Variants in ROBO2 observed in about 807,000 individuals in gnomAD.
ROBO2 encodes roundabout homolog 2.
A neutral mutation model predicts 160.8 loss-of-function variants in ROBO2; 53 were observed. The ratio of observed to expected loss-of-function variants is 0.33; its 90% CI spans 0.26 to 0.41. The LOEUF is 0.41. Among genes scored for constraint, ROBO2 ranks in the 10% least tolerant of loss-of-function variants. The pLI, the probability that ROBO2 is intolerant of heterozygous loss-of-function variation, is 1.00. For synonymous variants in ROBO2, 664 were observed against 611.7 expected (o/e 1.09, Z -1.26); for missense variants, 1,577 against 1,722.4 (o/e 0.92, Z 1.49).
At chr3:77,087,191 C>G (rs1267756956) in intron 1 of ROBO2, among the ~76,000 whole-genome samples, 1 of 152,082 alleles carries the variant, frequency 6.6e-6, no homozygotes, top group Non-Finnish European at 1.5e-5. Context: ...GTAAAATCCC[C>G]TTTTCTGGAG....
intron 2 of ROBO2, among the ~76,000 whole-genome samples, chr3:76,278,632 G>A (rs923169469): frequency 6.6e-6 from 1 of 151,926 alleles, no homozygotes; most frequent in African/African-American, 2.4e-5. Flanking sequence ...ATTTCCCCAA[G>A]TAAAAGTTAG....
At chr3:76,094,371 A>C (rs554682056) in intron 2 of ROBO2, among the ~76,000 whole-genome samples, 1 of 152,320 alleles carries the variant, frequency 6.6e-6, no homozygotes, top group African/African-American at 2.4e-5. Context: ...TCTTCCCAAC[A>C]ACACAGTGCC....
intron 2 of ROBO2, among the ~76,000 whole-genome samples, chr3:76,742,077 A>T (rs910714283): frequency 3.3e-5 from 5 of 152,122 alleles, no homozygotes; most frequent in Non-Finnish European, 7.4e-5. Flanking sequence ...ATTTCATTAT[A>T]TACGAAGATT....
intron 2 of ROBO2, among the ~76,000 whole-genome samples, chr3:76,201,485 A>G (rs975473381): frequency 1.3e-5 from 2 of 152,208 alleles, no homozygotes; most frequent in Non-Finnish European, 2.9e-5. Context: ...ATCCCTGAAC[A>G]AAAGCAAAGT....
chr3:76,293,405 G>C (rs1433215138), intron 2 of ROBO2, among the ~76,000 whole-genome samples: 1 of 152,228 alleles, frequency 6.6e-6, no homozygotes, highest in African/African-American at 2.4e-5. Flanking sequence ...AAAGGGGCCA[G>C]ACTGAACCGG....
At chr3:77,184,105 T>G (rs2150877139) in intron 2 of ROBO2, among the ~76,000 whole-genome samples, 1 of 152,208 alleles carries the variant, frequency 6.6e-6, no homozygotes, top group Admixed American at 6.6e-5. Flanking sequence ...AAGATGGTTT[T>G]AATGAATGAA....
At chr3:76,059,523 G>T (rs923730877) in intron 2 of ROBO2, among the ~76,000 whole-genome samples, 5 of 151,676 alleles carry the variant, frequency 3.3e-5, no homozygotes, top group African/African-American at 9.7e-5. Flanking sequence ...TAAATTTTTT[G>T]GAGTTTATTG....
intron 2 of ROBO2, among the ~76,000 whole-genome samples, chr3:77,020,861 A>G (rs1474874760): frequency 1.3e-5 from 2 of 152,166 alleles, no homozygotes; most frequent in Admixed American, 6.5e-5. Context: ...TATTTTCTAT[A>G]ACAAACAGTG....
intron 2 of ROBO2, among the ~76,000 whole-genome samples, chr3:76,521,972 A>G (rs1159228134): frequency 2.0e-5 from 3 of 152,196 alleles, no homozygotes; most frequent in Admixed American, 6.5e-5. Flanking sequence ...TGTTTGAGTG[A>G]TCAAATCAGA....
At chr3:77,444,989 C>A (rs964934710) in intron 2 of ROBO2, among the ~76,000 whole-genome samples, 1 of 152,144 alleles carries the variant, frequency 6.6e-6, no homozygotes, top group African/African-American at 2.4e-5. Flanking sequence ...ATTTGGTGTT[C>A]TCATTCTTGA....
intron 2 of ROBO2, among the ~76,000 whole-genome samples, chr3:76,399,132 A>T (rs1332282299): frequency 6.6e-6 from 1 of 151,804 alleles, no homozygotes; most frequent in Non-Finnish European, 1.5e-5. Context: ...ATACAGAGAG[A>T]TGAAAAAGAA....
chr3:76,601,271 G>T (rs375940520), intron 2 of ROBO2, among the ~76,000 whole-genome samples: 9 of 152,288 alleles, frequency 5.9e-5, no homozygotes, highest in Middle Eastern at 3.4e-3. Flanking sequence ...CCGTTCTGGG[G>T]TCTGGAGGAT....
At chr3:76,273,530 A>G (rs1208826978) in intron 2 of ROBO2, among the ~76,000 whole-genome samples, 3 of 152,036 alleles carry the variant, frequency 2.0e-5, no homozygotes, top group Non-Finnish European at 2.9e-5. Context: ...GGAAACTTAC[A>G]GTCATGGTGG....
intron 2 of ROBO2, among the ~76,000 whole-genome samples, chr3:76,511,689 T>C (rs547494447): frequency 1.3e-5 from 2 of 152,204 alleles, no homozygotes; most frequent in Non-Finnish European, 2.9e-5. Context: ...AAAATAGTTG[T>C]GCATGCCTGA....
intron 2 of ROBO2, among the ~76,000 whole-genome samples, chr3:77,415,254 G>A (rs1183192113): frequency 6.6e-6 from 1 of 152,206 alleles, no homozygotes; most frequent in African/African-American, 2.4e-5. Flanking sequence ...TACTGAAATA[G>A]AAGAAGAGAC....
intron 2 of ROBO2, among the ~76,000 whole-genome samples, chr3:77,207,469 A>G (rs2083583339): frequency 6.6e-6 from 1 of 152,166 alleles, no homozygotes; most frequent in Non-Finnish European, 1.5e-5. Context: ...CATTAACTTA[A>G]GGTTTTTGCT....
intron 2 of ROBO2, among the ~76,000 whole-genome samples, chr3:77,320,739 T>A (rs568484853): frequency 6.6e-6 from 1 of 152,260 alleles, no homozygotes; most frequent in Admixed American, 6.5e-5. Flanking sequence ...GAAGGTAGCT[T>A]CCCTCTAGTG....
chr3:76,556,219 A>T (rs569053506), intron 2 of ROBO2, among the ~76,000 whole-genome samples: 149 of 152,292 alleles, frequency 9.8e-4, no homozygotes, highest in African/African-American at 3.4e-3. Context: ...TTCACACCAC[A>T]TTTCTAAGCT....
intron 2 of ROBO2, among the ~76,000 whole-genome samples, chr3:76,947,644 C>T (rs1008905387): frequency 6.6e-6 from 1 of 151,366 alleles, no homozygotes; most frequent in Non-Finnish European, 1.5e-5. Context: ...TTCTTGCAAT[C>T]GATGACATGT....
Sources: allele counts gnomAD v4.1 joint callset (sites outside exome capture counted in the v4.1 genomes callset), GRCh38; gene constraint gnomAD v4.1.1; transcripts MANE v1.5; gene names NCBI Gene and HGNC (gene_info 2026-07-23, HGNC 2026-07-21).